Variants in SCG5 observed in about 807,000 individuals in gnomAD.
The protein encoded by SCG5 is neuroendocrine protein 7B2.
Under a neutral mutation model 25.7 loss-of-function variants are expected in SCG5, and 18 were observed. The ratio of observed to expected loss-of-function variants is 0.70; its 90% CI spans 0.48 to 1.04. The LOEUF is 1.04. Among genes scored for constraint, SCG5 ranks in the 50% least tolerant of loss-of-function variants. The pLI, the probability that SCG5 is intolerant of heterozygous loss-of-function variation, is 0.00. For missense variants in SCG5, 206 were observed against 259.8 expected (o/e 0.79, Z 1.42); for synonymous variants, 101 against 91.7 (o/e 1.10, Z -0.58).
chr15:32,667,203 C>T (rs1185055238), intron 2 of SCG5, among the ~76,000 whole-genome samples: 1 of 152,120 alleles, frequency 6.6e-6, no homozygotes, highest in South Asian at 2.1e-4. Flanking sequence ...TTCTATAGAA[C>T]AGCACTGCTA....
At chr15:32,667,767 G>C (rs1479718441) in intron 2 of SCG5, among the ~76,000 whole-genome samples, 1 of 151,788 alleles carries the variant, frequency 6.6e-6, no homozygotes, top group Non-Finnish European at 1.5e-5. Flanking sequence ...CCGCCTCCTG[G>C]GTGCAAGTGA....
At chr15:32,643,966 C>T in intron 2 of SCG5, 148 bp downstream of exon 2, 1 of 671,174 alleles carries the variant, frequency 1.5e-6, no homozygotes, top group Non-Finnish European at 2.5e-6. Context: ...ACTCTACTTT[C>T]TCATGGTTTT....
chr15:32,664,056 T>G (rs2054281678), intron 2 of SCG5, among the ~76,000 whole-genome samples: 2 of 152,202 alleles, frequency 1.3e-5, no homozygotes, highest in South Asian at 4.1e-4. Flanking sequence ...AGTGTTCCAC[T>G]GACTAGTCTC....
intron 2 of SCG5, among the ~76,000 whole-genome samples, chr15:32,648,603 A>G (rs2053983473): frequency 6.6e-6 from 1 of 151,928 alleles, no homozygotes; most frequent in African/African-American, 2.4e-5. Context: ...CCTGAGTCAC[A>G]CCGGCCTCTT....
chr15:32,656,517 T>G (rs35742971), intron 2 of SCG5, among the ~76,000 whole-genome samples: 52,044 of 152,194 alleles, frequency 0.34, 9,228 homozygotes, highest in Non-Finnish European at 0.38. Flanking sequence ...CGCTTAAGCT[T>G]TACGAGTTAA....
rs1169306745 is a variant in SCG5, at chr15:32,694,192, AT to A, written c.544-2319del. Among the ~76,000 whole-genome samples, 20 of 152,156 alleles carry A rather than the reference AT, an allele frequency of 1.3e-4. 1 individual carries two copies. The highest frequency in any genetic ancestry group is 7.4e-5 in the Non-Finnish European group (5 of 68,022). ...TGCTGGATTCAATACTCAGTTAAAT[AT>A]TTATCAAAAAAGTTCACCTGATTCC... is the stretch of plus-strand genomic sequence containing the variant. On this transcript the variant is annotated intron_variant, in intron 5 of 5. Coordinates refer to ENST00000300175, the MANE Select transcript of SCG5 (RefSeq NM_001144757.3).
chr15:32,684,132 G>A (rs923631960), intron 3 of SCG5, among the ~76,000 whole-genome samples: 6 of 152,194 alleles, frequency 3.9e-5, no homozygotes, highest in Non-Finnish European at 7.3e-5. Flanking sequence ...ACCAGGAGAT[G>A]GGGGTGGGGA....
intron 2 of SCG5, among the ~76,000 whole-genome samples, chr15:32,650,136 G>A (rs565627071): frequency 3.9e-5 from 6 of 152,066 alleles, no homozygotes; most frequent in East Asian, 3.9e-4. Flanking sequence ...TTGCTCTTTC[G>A]CCCAGGCTGG....
chr15:32,696,355 G>T (rs2054961721), intron 5 of SCG5, among the ~76,000 whole-genome samples, 159 bp from the exon 6 acceptor site: 1 of 152,118 alleles, frequency 6.6e-6, no homozygotes, highest in African/African-American at 2.4e-5. Context: ...CTGACCTCGT[G>T]ATCTGCCCAC....
intron 2 of SCG5, among the ~76,000 whole-genome samples, chr15:32,647,936 A>G (rs971387487): frequency 1.3e-5 from 2 of 151,868 alleles, no homozygotes; most frequent in African/African-American, 4.8e-5. Context: ...TCAATTCTCT[A>G]TCTACTTGAT....
intron 4 of SCG5, among the ~76,000 whole-genome samples, chr15:32,686,498 T>G (rs2054712048): frequency 6.6e-6 from 1 of 152,082 alleles, no homozygotes; most frequent in South Asian, 2.1e-4. Context: ...AGAAGAGATA[T>G]GTCAGGTTCA....
intron 3 of SCG5, among the ~76,000 whole-genome samples, chr15:32,683,966 A>C (rs1031830937): frequency 2.6e-5 from 4 of 152,224 alleles, no homozygotes; most frequent in Non-Finnish European, 5.9e-5. Context: ...ACAAATAAAA[A>C]CATTGTATGG....
chr15:32,648,048 AT>A (rs2053971927), intron 2 of SCG5, among the ~76,000 whole-genome samples: 1 of 151,958 alleles, frequency 6.6e-6, no homozygotes, highest in South Asian at 2.1e-4. Flanking sequence ...GCTTACACTA[AT>A]TGCTAAATTG....
In SCG5 at chr15:32,696,626, G is replaced by A. The variant is rs753654975; in HGVS notation, c.*17G>A. 4.5e-6 allele frequency: 7 copies of A among 1,551,668 alleles called. No individual in the cohort carries two copies. In the South Asian group the frequency reaches 5.7e-5, roughly 13 times the overall value. On this transcript the variant is annotated 3_prime_UTR_variant, in exon 6 of 6. Transcript: ENST00000300175. ...CCAGAGTAAAGAGAAGATGCTAGAC[G>A]AAAACCCACATTACCTGTTAGGCCT...
At chr15:32,673,633 T>C (rs2054481539) in intron 2 of SCG5, among the ~76,000 whole-genome samples, 2 of 151,822 alleles carry the variant, frequency 1.3e-5, no homozygotes, top group Admixed American at 1.3e-4. Context: ...TTGTATTTCA[T>C]TATGGAAAGG....
chr15:32,692,397 T>C (rs1369660823), intron 5 of SCG5: 1 of 338,170 alleles, frequency 3.0e-6, no homozygotes, highest in Non-Finnish European at 4.2e-6. Context: ...ATACTCCACA[T>C]TTAGCTACTT....
At chr15:32,653,254 G>A (rs2054062078) in intron 2 of SCG5, among the ~76,000 whole-genome samples, 2 of 152,188 alleles carry the variant, frequency 1.3e-5, no homozygotes, top group South Asian at 4.1e-4. Flanking sequence ...TTTCAATCAC[G>A]AGTGAGATCT....
intron 2 of SCG5, among the ~76,000 whole-genome samples, chr15:32,644,909 G>A (rs1205055997): frequency 6.6e-6 from 1 of 152,142 alleles, no homozygotes; most frequent in African/African-American, 2.4e-5. Flanking sequence ...CATGAATATT[G>A]TTGATAGATG....
At chr15:32,674,115 A>G (rs866003374) in intron 2 of SCG5, among the ~76,000 whole-genome samples, 6 of 152,202 alleles carry the variant, frequency 3.9e-5, no homozygotes, top group Non-Finnish European at 2.9e-5. Flanking sequence ...AATAGTCCCA[A>G]ATTATCAAGA....
Sources: gnomAD v4.1 joint callset for allele counts (sites outside exome capture counted in the v4.1 genomes callset) on GRCh38, gnomAD v4.1.1 for gene constraint, MANE v1.5 for transcripts, NCBI Gene and HGNC (gene_info 2026-07-23, HGNC 2026-07-21) for gene names.